Variants in MICALL1 observed in about 807,000 individuals in gnomAD.
MICALL1 encodes MICAL like 1, also known as MICAL-like protein 1.
MICALL1 carries 61 observed loss-of-function variants against 83.7 expected under a neutral mutation model. The observed-to-expected ratio is 0.73, with a 90% CI of 0.59 to 0.90. The LOEUF (loss-of-function observed/expected upper bound fraction) is 0.90, where lower values mean the gene tolerates loss of function less well. MICALL1 is among the 40% of genes least tolerant of loss of function. The pLI, the probability that MICALL1 is intolerant of heterozygous loss-of-function variation, is 0.00. For synonymous variants in MICALL1, 481 were observed against 473.6 expected, an observed-to-expected ratio of 1.02 and a Z score of -0.20; for missense variants, 1,066 against 1,152.0, an observed-to-expected ratio of 0.93 and a Z score of 1.08.
chr22:37,923,489 A>G (rs979414515), intron 6 of MICALL1, among the ~76,000 whole-genome samples: 4 of 152,292 alleles, frequency 2.6e-5, no homozygotes, highest in African/African-American at 7.2e-5. Context: ...TGGCCTCACA[A>G]AGTGCTGGGA....
Position 37,932,996 on chromosome 22 carries a change from GC to G in MICALL1, c.2235-42del. 1 of 1,613,632 alleles carries G rather than the reference GC, an allele frequency of 6.2e-7. No homozygotes were observed. Among genetic ancestry groups the G allele is most frequent in the Non-Finnish European group, 8.5e-7 (1 of 1,179,608 alleles). On this transcript the variant is annotated intron_variant, in intron 12 of 15. Transcript: ENST00000215957. This position sits in a 1 kb window ranked among gnomAD's most constrained non-coding sequence, Gnocchi z 4.4. ...AACAGCGCAGGGCAGGGCAGCCGGG[GC>G]TCGGGCAGAATTGTTAAGAGTCACC... is the stretch of plus-strand genomic sequence containing the variant.
chr22:37,933,179 A>AGCGG, intron 13 of MICALL1, 67 bp downstream of exon 13: 1 of 1,537,070 alleles, frequency 6.5e-7, no homozygotes, highest in Non-Finnish European at 9.0e-7. Flanking sequence ...GGAGTGGGGG[A>AGCGG]GCGGGCAGAC....
In MICALL1 at chr22:37,923,953, C is replaced by G. The variant is rs1002268543; in HGVS notation, c.1025-707C>G. On this transcript the variant is annotated intron_variant, in intron 6 of 15. Transcript: ENST00000215957. ...CTGGCCCATTCTGTGGGTGCATTCT[C>G]CCCCAACCCCACATTGTAGAATGCT... Among the ~76,000 whole-genome samples the G allele has an allele frequency of 2.6e-5, 4 of 152,126 alleles. No individual in the cohort carries two copies. In the South Asian group the frequency reaches 8.3e-4, roughly 32 times the overall value.
chr22:37,911,087 G>C (rs1928293476), intron 1 of MICALL1, among the ~76,000 whole-genome samples: 1 of 152,078 alleles, frequency 6.6e-6, no homozygotes, highest in African/African-American at 2.4e-5. Context: ...AGTGGGGAGG[G>C]AGGAGGGGGA....
In MICALL1 at chr22:37,924,690, C is replaced by G. The variant is rs749865880; in HGVS notation, c.1055C>G (p.Pro352Arg). 6.2e-7 allele frequency: 1 copy of G among 1,612,248 alleles called. No homozygotes were observed. Among genetic ancestry groups the G allele is most frequent in the Non-Finnish European group, 8.5e-7 (1 of 1,179,088 alleles). The change falls in exon 7 of 16, where the codon CCG (proline) becomes CGG (arginine). Residue 352 changes from proline to arginine, a missense_variant. By Grantham distance (103) the Pro-to-Arg change is moderately radical. Coordinates refer to ENST00000215957, the MANE Select transcript of MICALL1 (RefSeq NM_033386.4). The surrounding 1 kb of genome is among the most constrained non-coding windows in gnomAD (Gnocchi z 5.2). Reference sequence around the variant, plus strand: ...CTGCACGAACTGCCTGTCCCCAAGCCGAGGGGGACACCGAAGCCGTCCGAG... The same window carrying G: ...CTGCACGAACTGCCTGTCCCCAAGCGGAGGGGGACACCGAAGCCGTCCGAG... ...GRLHELPVPKPRGTPKPSEGT... is the reference protein window; with the variant it reads ...GRLHELPVPKRRGTPKPSEGT...
chr22:37,916,039 T>G (rs1172680308), intron 3 of MICALL1, among the ~76,000 whole-genome samples: 1 of 150,508 alleles, frequency 6.6e-6, no homozygotes, highest in Non-Finnish European at 1.5e-5. Context: ...CGGCCTTCCT[T>G]GTGGCCAAAC....
In MICALL1 at chr22:37,906,493, T is replaced by C; in HGVS notation, c.71T>C (p.Ile24Thr). The C allele has an allele frequency of 8.0e-7, 1 of 1,256,234 alleles. No individual in the cohort carries two copies. Among genetic ancestry groups the C allele is most frequent in the Non-Finnish European group, 1.0e-6 (1 of 989,358 alleles). 77.8% of individuals were successfully genotyped at this position (1,256,234 alleles called of 1,614,324 possible). Residue 24 changes from isoleucine (I) to threonine (T), a missense_variant, in exon 1 of 16, where the codon ATC becomes ACC. Ile to Thr is a moderately conservative substitution (Grantham distance 89). Coordinates refer to ENST00000215957, the MANE Select transcript of MICALL1 (RefSeq NM_033386.4). The surrounding 1 kb of genome is among the most constrained non-coding windows in gnomAD (Gnocchi z 4.4). Reference sequence around the variant, plus strand: ...TGCGAGGGCTACCGCGGCGTGGAGATCCGCGACCTGAGCAGCTCCTTCCGG... The same window carrying C: ...TGCGAGGGCTACCGCGGCGTGGAGACCCGCGACCTGAGCAGCTCCTTCCGG... ...RQCEGYRGVE[I>T]RDLSSSFRDG...
chr22:37,928,580 A>T (rs529158278), intron 9 of MICALL1, among the ~76,000 whole-genome samples: 1 of 151,172 alleles, frequency 6.6e-6, no homozygotes, highest in African/African-American at 2.4e-5. Flanking sequence ...CCCATTACCC[A>T]CTCTGTCCAA....
chr22:37,922,576 A>ATTAT (rs1929120920), intron 6 of MICALL1, 150 bp downstream of exon 6: 1 of 105,300 alleles, frequency 9.5e-6, no homozygotes, highest in African/African-American at 6.4e-5. Context: ...TTTTGAGGTT[A>ATTAT]TTATATATAT....
Position 37,918,929 on chromosome 22 carries a change from A to G in MICALL1, c.427-107A>G. The G allele has an allele frequency of 3.7e-6, 5 of 1,342,044 alleles. No individual in the cohort carries two copies. In the South Asian group the frequency reaches 8.3e-5, roughly 22 times the overall value. The allele number at this position is 1,342,044 out of a possible 1,614,324, so 83.1% of individuals were successfully genotyped here. ...CCATTTCCACCACGAAGCCTGGTGC[A>G]CACTTGAGTGACGGTGGCCGTTGGA... On this transcript the variant is annotated intron_variant, in intron 4 of 15. Transcript: ENST00000215957.
chr22:37,909,121 C>T (rs1569133670), intron 1 of MICALL1, among the ~76,000 whole-genome samples: 4 of 152,056 alleles, frequency 2.6e-5, no homozygotes, highest in South Asian at 4.1e-4. Context: ...GGCGTGATCT[C>T]GGCTCACCAC....
intron 13 of MICALL1, 74 bp from the exon 14 acceptor site, chr22:37,937,006 A>G: frequency 1.6e-6 from 2 of 1,286,622 alleles, no homozygotes. Context: ...GCACTTAGGC[A>G]GTGGCTCCTG....
At position 37,924,792 on chromosome 22, in the gene MICALL1, A is replaced by T; in HGVS notation, c.1082+75A>T. 2.0e-6 allele frequency: 3 copies of T among 1,479,160 alleles called. No homozygotes were observed. Among genetic ancestry groups the T allele is most frequent in the Non-Finnish European group, 2.8e-6 (3 of 1,070,410 alleles). The allele number at this position is 1,479,160 out of a possible 1,614,324, so 91.6% of individuals were successfully genotyped here. A position where few individuals can be genotyped will look rare whatever the true frequency, so the allele number is the denominator to read the frequency against. Reference sequence around the variant, plus strand: ...GAATCAGGGTACTCTGGGGCCGGGTAGGGAGAGAGGCTTCCTGTGGATGGG... The same window carrying T: ...GAATCAGGGTACTCTGGGGCCGGGTTGGGAGAGAGGCTTCCTGTGGATGGG... On this transcript the variant is annotated intron_variant, in intron 7 of 15. Coordinates refer to ENST00000215957, the MANE Select transcript of MICALL1 (RefSeq NM_033386.4). The surrounding 1 kb of genome is among the most constrained non-coding windows in gnomAD (Gnocchi z 5.2).
At chr22:37,909,854 C>T (rs578036195) in intron 1 of MICALL1, among the ~76,000 whole-genome samples, 5 of 152,204 alleles carry the variant, frequency 3.3e-5, no homozygotes, top group South Asian at 4.2e-4. Context: ...GGAGGATCTC[C>T]GTGAGAATAG....
intron 9 of MICALL1, among the ~76,000 whole-genome samples, chr22:37,929,954 G>T (rs1168519202): frequency 1.3e-5 from 2 of 152,214 alleles, no homozygotes; most frequent in Admixed American, 6.5e-5. Context: ...CCTCCCACCT[G>T]CTGTGTGTCC....
chr22:37,921,641 C>G (rs1929038224), intron 5 of MICALL1, among the ~76,000 whole-genome samples: 1 of 152,184 alleles, frequency 6.6e-6, no homozygotes, highest in African/African-American at 2.4e-5. Flanking sequence ...AAAACCACTG[C>G]TTTATTTTCC....
intron 15 of MICALL1, among the ~76,000 whole-genome samples, chr22:37,938,031 C>CG (rs984183124): frequency 2.0e-5 from 3 of 152,106 alleles, no homozygotes; most frequent in African/African-American, 4.8e-5. Flanking sequence ...CCTACAGAGA[C>CG]GACTGTGGTA....
chr22:37,913,181 C>T (rs1381855398), intron 3 of MICALL1, among the ~76,000 whole-genome samples: 1 of 151,986 alleles, frequency 6.6e-6, no homozygotes, highest in African/African-American at 2.4e-5. Context: ...CCAGGCTGGT[C>T]TTGAACTCCT....
In MICALL1 at chr22:37,928,871, C is replaced by A. The variant is rs574257968; in HGVS notation, c.1881+1045C>A. Among the ~76,000 whole-genome samples the A allele has an allele frequency of 2.6e-5, 4 of 152,282 alleles. No homozygotes were observed. The South Asian group carries it at 8.3e-4, about 32-fold the overall frequency. ...GGGCGTGGTGGCTCACACCTGTAATCCCAGCACTTTGGAGGCTGAGGCAGG... is the reference window on the plus strand; with the variant it reads ...GGGCGTGGTGGCTCACACCTGTAATACCAGCACTTTGGAGGCTGAGGCAGG... On this transcript the variant is annotated intron_variant, in intron 9 of 15. Transcript: ENST00000215957.
Sources: gnomAD v4.1 joint callset for allele counts (sites outside exome capture counted in the v4.1 genomes callset) on GRCh38, gnomAD v4.1.1 for gene constraint, Gnocchi (gnomAD v3.1) non-coding constraint, MANE v1.5 for transcripts, NCBI Gene and HGNC (gene_info 2026-07-23, HGNC 2026-07-21) for gene names.